SETX: variants seen among roughly 807,000 people sequenced by gnomAD.
The protein encoded by SETX is senataxin.
In SETX, 90 loss-of-function variants were observed where a neutral mutation model predicts 227.2. The observed-to-expected ratio is 0.40, with a 90% confidence interval of 0.33 to 0.47. The LOEUF is 0.47. Among genes scored for constraint, SETX ranks in the 20% least tolerant of loss-of-function variants. The probability of loss-of-function intolerance (pLI) is 0.91; values close to 1 mark genes in which losing one functional copy is unlikely to be tolerated. For missense variants in SETX, 3,052 were observed against 3,181.5 expected (o/e 0.96, Z 0.98); for synonymous variants, 1,210 against 1,113.2 (o/e 1.09, Z -1.73).
chr9:132,328,030 T>G lies in SETX; in HGVS notation c.3568A>C (p.Lys1190Gln). 6.2e-7 allele frequency: 1 copy of G among 1,614,124 alleles called. No homozygotes were observed. Among genetic ancestry groups the G allele is most frequent in the Non-Finnish European group, 8.5e-7 (1 of 1,180,002 alleles). The change falls in exon 10 of 26, where the codon AAG (lysine) becomes CAG (glutamine). Residue 1190 changes from lysine to glutamine, a missense_variant. By Grantham distance (53) the Lys-to-Gln change is moderately conservative. Coordinates refer to ENST00000224140, the MANE Select transcript of SETX (RefSeq NM_015046.7). ...VRNEGQSDTN[K>Q]RDLVGNDFKS... is the part of the protein sequence containing the mutation. The stretch of plus-strand genomic sequence containing the variant: ...AAATCATTTCCCACAAGATCTCTCT[T>G]ATTAGTATCAGACTGGCCCTCATTT...
At chr9:132,353,476 T>G (rs1205624514) in intron 2 of SETX, among the ~76,000 whole-genome samples, 173 bp downstream of exon 2, 2 of 151,982 alleles carry the variant, frequency 1.3e-5, no homozygotes, top group African/African-American at 4.8e-5. Flanking sequence ...ACAACCAGTG[T>G]GCAAGCTCTT....
chr9:132,303,156 T>C (rs563085902), intron 11 of SETX, among the ~76,000 whole-genome samples: 31 of 152,112 alleles, frequency 2.0e-4, no homozygotes, highest in African/African-American at 7.2e-4. Context: ...TCACTGGGAC[T>C]CTAGGTGTGT....
At position 132,303,727 on chromosome 9, in the gene SETX, C is replaced by T. The variant is rs541370339; in HGVS notation, c.5375-2924G>A. On this transcript the variant is annotated intron_variant, in intron 11 of 25. Coordinates refer to ENST00000224140, the MANE Select transcript of SETX (RefSeq NM_015046.7). ...ATACATGAAGGGGATATGTACATTG[C>T]CAGTAAGTCTGTGAAAAGATGCTCA... Among the ~76,000 whole-genome samples the T allele has an allele frequency of 6.6e-5, 10 of 152,192 alleles. No individual in the cohort carries two copies. The South Asian group carries it at 2.1e-3, about 32-fold the overall frequency.
intron 1 of SETX, among the ~76,000 whole-genome samples, chr9:132,354,620 C>G (rs1848804728): frequency 6.6e-6 from 1 of 151,920 alleles, no homozygotes. Flanking sequence ...CCCAAGGAAA[C>G]TACGCAGTAT....
rs1846854506 is a variant in SETX, at chr9:132,327,173, T to C, written c.4425A>G (p.Ile1475Met). ...LGGGDPTARH[I>M]EMAALKEGEP... is the part of the protein sequence containing the mutation. Reference sequence around the variant, plus strand: ...CTCCTTCTTTCAAAGCTGCCATCTCTATATGACGTGCTGTTGGATCACCTC... The same window carrying C: ...CTCCTTCTTTCAAAGCTGCCATCTCCATATGACGTGCTGTTGGATCACCTC... The change falls in exon 10 of 26, where the codon ATA becomes ATG. Residue 1475 changes from isoleucine (I) to methionine (M), a missense_variant. Physicochemically the swap from Ile to Met is conservative, Grantham distance 10. Coordinates refer to ENST00000224140, the MANE Select transcript of SETX (RefSeq NM_015046.7). 1.2e-6 allele frequency: 2 copies of C among 1,614,122 alleles called. No homozygotes were observed. The highest frequency in any genetic ancestry group is 1.7e-6 in the Non-Finnish European group (2 of 1,180,056).
intron 10 of SETX, among the ~76,000 whole-genome samples, chr9:132,322,217 A>G (rs1027312705): frequency 6.6e-6 from 1 of 152,220 alleles, no homozygotes; most frequent in African/African-American, 2.4e-5. Flanking sequence ...TATTTTTTAA[A>G]TGGAGACGGT....
rs1454275269 is a variant in SETX, at chr9:132,330,155, A to G, written c.1443T>C (p.Ser481=). The part of the protein sequence containing the change: ...NKKCLHLLWV[S]SQQWVEAVVK... ...CGACGGCTTCCACCCATTGCTGGGA[A>G]CTTACCCACAGCAAATGCAAACATT... Residue 481 remains serine (S), a synonymous_variant, in exon 10 of 26, where the codon AGT becomes AGC. Transcript: ENST00000224140. 2 of 1,603,856 alleles carry G rather than the reference A, an allele frequency of 1.2e-6. No individual in the cohort carries two copies. Among genetic ancestry groups the G allele is most frequent in the African/African-American group, 1.3e-5 (1 of 74,684 alleles).
At chr9:132,275,149 C>T (rs1843090844) in intron 23 of SETX, 107 bp downstream of exon 23, 1 of 1,238,044 alleles carries the variant, frequency 8.1e-7, no homozygotes, top group South Asian at 1.2e-5. Flanking sequence ...GCCGTATCAC[C>T]AATTTGCACA....
At chr9:132,330,986 A>T in intron 9 of SETX, 66 bp downstream of exon 9, 2 of 1,264,068 alleles carry the variant, frequency 1.6e-6, no homozygotes, top group Non-Finnish European at 2.3e-6. Flanking sequence ...TCAACAAATT[A>T]TACAAAATAG....
At chr9:132,356,275 T>C (rs1848909615), upstream of SETX, among the ~76,000 whole-genome samples, 1 of 151,382 alleles carries the variant, frequency 6.6e-6, no homozygotes, top group Non-Finnish European at 1.5e-5. Flanking sequence ...CAGTCTCGGC[T>C]CACTGCAACC....
intron 23 of SETX, among the ~76,000 whole-genome samples, chr9:132,273,712 G>A (rs1843007020): frequency 6.6e-6 from 1 of 151,800 alleles, no homozygotes; most frequent in Admixed American, 6.6e-5. Flanking sequence ...GCTTTGTTAG[G>A]GTTTCTAGAA....
At chr9:132,265,777 C>A (rs1842617661) in intron 25 of SETX, among the ~76,000 whole-genome samples, 1 of 152,222 alleles carries the variant, frequency 6.6e-6, no homozygotes, top group Non-Finnish European at 1.5e-5. Context: ...ACTGCCTACA[C>A]CTCTTGGCAG....
chr9:132,274,503 G>A (rs920695448), intron 23 of SETX, among the ~76,000 whole-genome samples: 1 of 151,338 alleles, frequency 6.6e-6, no homozygotes, highest in African/African-American at 2.4e-5. Context: ...ATGCAGTGGG[G>A]CAATCTCAGC....
chr9:132,339,026 G>C (rs901754392), intron 5 of SETX, among the ~76,000 whole-genome samples: 3 of 152,164 alleles, frequency 2.0e-5, no homozygotes, highest in African/African-American at 7.2e-5. Context: ...GCTTCCCAAA[G>C]GCCTGGGCTT....
intron 5 of SETX, among the ~76,000 whole-genome samples, chr9:132,341,387 G>A (rs73659012): frequency 0.022 from 3,365 of 152,154 alleles, 43 homozygotes; most frequent in South Asian, 0.04. Context: ...CGCTTTCCTC[G>A]TGTGTTTCAG....
At chr9:132,268,757 ATATT>A (rs1334321662) in intron 25 of SETX, among the ~76,000 whole-genome samples, 1 of 152,248 alleles carries the variant, frequency 6.6e-6, no homozygotes, top group Non-Finnish European at 1.5e-5. Flanking sequence ...ATCTTCAGTA[ATATT>A]TAAACTTACA....
In SETX at chr9:132,346,405, CA is replaced by C. The variant is rs1455336434; in HGVS notation, c.243del (p.Ile81MetfsTer9). 3 of 1,613,690 alleles carry C rather than the reference CA, an allele frequency of 1.9e-6. No homozygotes were observed. The African/African-American group carries it at 4.0e-5, about 22-fold the overall frequency. The part of the protein sequence containing the change: ...NHFEKSMKAE[I>X]GDDDELYIVD... Reference sequence around the variant, plus strand: ...ACTATATATAACTCATCATCATCTCCAATTTCTGCCTTCATGGATTTTTCAA... The same window carrying C: ...ACTATATATAACTCATCATCATCTCCATTTCTGCCTTCATGGATTTTTCAA... On this transcript the variant is annotated frameshift_variant, in exon 4 of 26. Transcript: ENST00000224140. LOFTEE classifies it high-confidence loss of function.
intron 23 of SETX, 104 bp downstream of exon 23, chr9:132,275,152 T>C (rs1040371602): frequency 4.7e-6 from 6 of 1,288,036 alleles, no homozygotes; most frequent in Non-Finnish European, 5.6e-6. Context: ...GTATCACCAA[T>C]TTGCACAGAC....
Position 132,264,989 on chromosome 9 carries a change from G to A in SETX, c.7288-4C>T. 1 of 1,612,586 alleles carries A rather than the reference G, an allele frequency of 6.2e-7. No homozygotes were observed. The highest frequency in any genetic ancestry group is 8.5e-7 in the Non-Finnish European group (1 of 1,180,036). On this transcript the variant is annotated splice_polypyrimidine_tract_variant and splice_region_variant and intron_variant, in intron 25 of 25. Transcript: ENST00000224140. ...GCTGATTCCAATGCTGGTTTTCCTT[G>A]AAACAATGAGAAGGGAGAAATAATT...
Sources: allele counts gnomAD v4.1 joint callset (sites outside exome capture counted in the v4.1 genomes callset), GRCh38; gene constraint gnomAD v4.1.1; transcripts MANE v1.5; gene names NCBI Gene and HGNC (gene_info 2026-07-23, HGNC 2026-07-21).